The following PCDHGA4 variants were observed in gnomAD, a reference collection of about 807,000 sequenced individuals.
The protein encoded by PCDHGA4 is protocadherin gamma subfamily A, 4.
Under a neutral mutation model 54.6 loss-of-function variants are expected in PCDHGA4, and 38 were observed. That is an observed-to-expected ratio of 0.70 (90% CI 0.54 to 0.91). The LOEUF is 0.91. Ranked by LOEUF, PCDHGA4 falls within the 40% of genes least tolerant of loss-of-function variation. The probability of loss-of-function intolerance (pLI) is 0.00; values close to 1 mark genes in which losing one functional copy is unlikely to be tolerated. For synonymous variants in PCDHGA4, 511 were observed against 512.9 expected (o/e 1.00, Z 0.05); for missense variants, 1,298 against 1,220.9 (o/e 1.06, Z -0.94).
chr5:141,485,105 G>A lies in PCDHGA4; in HGVS notation c.2515-9702G>A. On this transcript the variant is annotated intron_variant, in intron 1 of 3. Transcript: ENST00000571252. The surrounding 1 kb of genome is among the most constrained non-coding windows in gnomAD (Gnocchi z 5.7). ...AGGGAGATAGGTGTCTCCAGCTGCT[G>A]TGGCTGTTTGGGGCGGGTCGGCTTC... 8.3e-7 allele frequency: 1 copy of A among 1,205,940 alleles called. No individual in the cohort carries two copies. Among genetic ancestry groups the A allele is most frequent in the Non-Finnish European group, 1.2e-6 (1 of 827,784 alleles). The allele number at this position is 1,205,940 out of a possible 1,614,324, so 74.7% of individuals were successfully genotyped here.
In PCDHGA4 at chr5:141,485,974, A is replaced by G. The variant is rs755735500; in HGVS notation, c.2515-8833A>G. 1.9e-6 allele frequency: 3 copies of G among 1,614,108 alleles called. No homozygotes were observed. The highest frequency in any genetic ancestry group is 1.7e-5 in the Admixed American group (1 of 60,014). On this transcript the variant is annotated intron_variant, in intron 1 of 3. Coordinates refer to ENST00000571252, the MANE Select transcript of PCDHGA4 (RefSeq NM_018917.4). This position sits in a 1 kb window ranked among gnomAD's most constrained non-coding sequence, Gnocchi z 5.7. ...TGGTGCTCATCCAGCTCAATGCCTC[A>G]GACCCGGACCTGGGTCCCAGTGGTA...
intron 1 of PCDHGA4, chr5:141,372,172 C>A: frequency 6.2e-7 from 1 of 1,613,722 alleles, no homozygotes; most frequent in Non-Finnish European, 8.5e-7. Flanking sequence ...AAGGTGGTGG[C>A]GGTGGACGCA....
rs138831045 is a variant in PCDHGA4 at position 141,462,238 on chromosome 5, G to A, written c.2515-32569G>A. Among the ~76,000 whole-genome samples the A allele has an allele frequency of 2.9e-3, 441 of 152,288 alleles. 3 individuals carry two copies. Among genetic ancestry groups the A allele is most frequent in the African/African-American group, 9.9e-3 (412 of 41,566 alleles). On this transcript the variant is annotated intron_variant, in intron 1 of 3. Coordinates refer to ENST00000571252, the MANE Select transcript of PCDHGA4 (RefSeq NM_018917.4). ...GCCTCCCAAAGTGCAGGGATTACAG[G>A]TATGAGCCACCATGACCAGCCTAAA...
At chr5:141,365,754 C>G in intron 1 of PCDHGA4, 1 of 1,613,850 alleles carries the variant, frequency 6.2e-7, no homozygotes. Context: ...TTCTCTGTGA[C>G]AGCCCATGAC....
intron 1 of PCDHGA4, among the ~76,000 whole-genome samples, chr5:141,363,411 T>C (rs1315890359): frequency 6.6e-6 from 1 of 152,244 alleles, no homozygotes; most frequent in African/African-American, 2.4e-5. Flanking sequence ...ATGATAGCAG[T>C]AAATATCTGT....
intron 1 of PCDHGA4, chr5:141,361,095 A>T (rs1309829041): frequency 1.9e-6 from 3 of 1,613,896 alleles, no homozygotes; most frequent in Non-Finnish European, 2.5e-6. Context: ...TGAGTATCGA[A>T]GCAAAAGATC....
intron 1 of PCDHGA4, among the ~76,000 whole-genome samples, chr5:141,445,553 A>T (rs948468877): frequency 1.3e-5 from 2 of 152,252 alleles, no homozygotes; most frequent in Non-Finnish European, 1.5e-5. Context: ...ATACAAAAGC[A>T]CTAAGAGAAA....
Position 141,491,905 on chromosome 5 carries a change from G to A in PCDHGA4, c.2515-2902G>A. 7.1e-7 allele frequency: 1 copy of A among 1,418,328 alleles called. No individual in the cohort carries two copies. Among genetic ancestry groups the A allele is most frequent in the Non-Finnish European group, 9.3e-7 (1 of 1,069,952 alleles). 87.9% of individuals were successfully genotyped at this position (1,418,328 alleles called of 1,614,324 possible). ...GATGGGGCTCCGAGCACCGGGGGTG[G>A]TGGCGACTGTGGGCGAGGGGAGGTG... On this transcript the variant is annotated intron_variant, in intron 1 of 3. Transcript: ENST00000571252. This position sits in a 1 kb window ranked among gnomAD's most constrained non-coding sequence, Gnocchi z 6.9.
chr5:141,419,809 A>G (rs1181621732), intron 1 of PCDHGA4: 2 of 1,613,916 alleles, frequency 1.2e-6, no homozygotes, highest in African/African-American at 2.7e-5. Flanking sequence ...GAGATGGAGG[A>G]CAGCCACCCC....
intron 1 of PCDHGA4, chr5:141,400,388 A>C: frequency 1.9e-6 from 3 of 1,614,066 alleles, no homozygotes; most frequent in Non-Finnish European, 2.5e-6. Context: ...TGTGTTGCAC[A>C]TACAGGAAAG....
At chr5:141,502,660 A>T (rs1423714257) in intron 2 of PCDHGA4, among the ~76,000 whole-genome samples, 2 of 152,208 alleles carry the variant, frequency 1.3e-5, no homozygotes, top group African/African-American at 4.8e-5. Flanking sequence ...GCAACCCTTC[A>T]TGCAATTTTA....
chr5:141,403,388 G>A (rs1376620471), intron 1 of PCDHGA4: 1 of 1,613,904 alleles, frequency 6.2e-7, no homozygotes, highest in African/African-American at 1.3e-5. Context: ...TAACGAAATC[G>A]CGGTTCCTGG....
chr5:141,366,256 C>T (rs751677361), intron 1 of PCDHGA4: 9 of 1,613,584 alleles, frequency 5.6e-6, no homozygotes, highest in African/African-American at 2.7e-5. Context: ...AGCAGAGCCT[C>T]GTGGTGGCCG....
At position 141,477,379 on chromosome 5, in the gene PCDHGA4, A is replaced by T; in HGVS notation, c.2515-17428A>T. Reference sequence around the variant, plus strand: ...CAGACCTGGATCGGGAGACTGTGCCAGAATACAACCTCAGCATCACCGCCC... The same window carrying T: ...CAGACCTGGATCGGGAGACTGTGCCTGAATACAACCTCAGCATCACCGCCC... On this transcript the variant is annotated intron_variant, in intron 1 of 3. Transcript: ENST00000571252. The surrounding 1 kb of genome is among the most constrained non-coding windows in gnomAD (Gnocchi z 4.9). 1.2e-6 allele frequency: 2 copies of T among 1,614,184 alleles called. No individual in the cohort carries two copies. The highest frequency in any genetic ancestry group is 1.7e-6 in the Non-Finnish European group (2 of 1,180,034).
intron 1 of PCDHGA4, among the ~76,000 whole-genome samples, chr5:141,467,288 A>G (rs1322298174): frequency 6.6e-6 from 1 of 152,084 alleles, no homozygotes; most frequent in Non-Finnish European, 1.5e-5. Context: ...CTTGACCTCA[A>G]GTGATCCACT....
chr5:141,374,863 A>C (rs1588752717), intron 1 of PCDHGA4: 1 of 1,613,784 alleles, frequency 6.2e-7, no homozygotes, highest in Non-Finnish European at 8.5e-7. Context: ...TAGGCACACC[A>C]GTGTTGGCAG....
Position 141,477,354 on chromosome 5 carries a change from C to T in PCDHGA4, c.2515-17453C>T, listed in dbSNP as rs1164062950. On this transcript the variant is annotated intron_variant, in intron 1 of 3. Coordinates refer to ENST00000571252, the MANE Select transcript of PCDHGA4 (RefSeq NM_018917.4). This position sits in a 1 kb window ranked among gnomAD's most constrained non-coding sequence, Gnocchi z 4.9. ...AATTACTTCACTTTGAAAACCAGTG[C>T]AGACCTGGATCGGGAGACTGTGCCA... 14 of 1,614,202 alleles carry T rather than the reference C, an allele frequency of 8.7e-6. No homozygotes were observed. The highest frequency in any genetic ancestry group is 1.1e-5 in the Non-Finnish European group (13 of 1,180,036).
chr5:141,430,725 G>A (rs1436128094), intron 1 of PCDHGA4: 4 of 1,497,276 alleles, frequency 2.7e-6, no homozygotes, highest in Admixed American at 2.4e-5. Flanking sequence ...AGTGGTTAAG[G>A]GCAGAATTGA....
intron 1 of PCDHGA4, chr5:141,370,780 A>T (rs1185164104): frequency 6.2e-7 from 1 of 1,613,990 alleles, no homozygotes; most frequent in Non-Finnish European, 8.5e-7. Context: ...ATTAACGACA[A>T]CCCACCGACC....
Sources: allele counts gnomAD v4.1 joint callset (sites outside exome capture counted in the v4.1 genomes callset), GRCh38; gene constraint gnomAD v4.1.1; non-coding constraint Gnocchi (gnomAD v3.1); transcripts MANE v1.5; gene names NCBI Gene and HGNC (gene_info 2026-07-23, HGNC 2026-07-21).